Variants in PARD3 observed in about 807,000 individuals in gnomAD.
The protein encoded by PARD3 is par-3 family cell polarity regulator.
In PARD3, 75 loss-of-function variants were observed where a neutral mutation model predicts 155.4. The observed-to-expected ratio is 0.48, with a 90% confidence interval of 0.40 to 0.58. PARD3 has a LOEUF of 0.58. PARD3 is among the 20% of genes least tolerant of loss of function. The pLI is 0.00. For synonymous variants in PARD3, 576 were observed against 610.5 expected (o/e 0.94, Z 0.83); for missense variants, 1,642 against 1,721.7 (o/e 0.95, Z 0.82).
chr10:34,263,878 G>A (rs1955156910), intron 22 of PARD3, among the ~76,000 whole-genome samples: 1 of 152,194 alleles, frequency 6.6e-6, no homozygotes. Flanking sequence ...AAAGGCAGAA[G>A]AGCTAATTGA....
At chr10:34,585,940 C>A (rs1270937696) in intron 2 of PARD3, among the ~76,000 whole-genome samples, 1 of 152,112 alleles carries the variant, frequency 6.6e-6, no homozygotes, top group Non-Finnish European at 1.5e-5. Context: ...GAATTTTAAA[C>A]CACATGTGAA....
intron 3 of PARD3, among the ~76,000 whole-genome samples, chr10:34,489,198 C>T (rs1312463942): frequency 1.3e-5 from 2 of 152,094 alleles, no homozygotes; most frequent in African/African-American, 2.4e-5. Context: ...ATTAGTTGGG[C>T]GTGGTGGTGC....
rs548606950 is a variant in PARD3, at chr10:34,802,236, G to A, written c.120+12640C>T. On this transcript the variant is annotated intron_variant, in intron 1 of 24. Coordinates refer to ENST00000374788, the MANE Select transcript of PARD3 (RefSeq NM_001184785.2). ...GGTGATCTTTATATCTTCATTCTTAGCTAAATGATGCATACATACTAACAC... is the reference window on the plus strand; with the variant it reads ...GGTGATCTTTATATCTTCATTCTTAACTAAATGATGCATACATACTAACAC... Among the ~76,000 whole-genome samples the A allele has an allele frequency of 1.4e-4, 21 of 151,442 alleles. No individual in the cohort carries two copies. The South Asian group carries it at 4.2e-3, about 30-fold the overall frequency.
chr10:34,156,671 A>G (rs1018267168), intron 22 of PARD3, among the ~76,000 whole-genome samples: 11 of 152,156 alleles, frequency 7.2e-5, no homozygotes, highest in African/African-American at 2.2e-4. Flanking sequence ...CCCTAAGTCA[A>G]GCCCTCACTA....
At chr10:34,243,514 GA>G (rs1199530746) in intron 22 of PARD3, among the ~76,000 whole-genome samples, 1 of 152,162 alleles carries the variant, frequency 6.6e-6, no homozygotes, top group African/African-American at 2.4e-5. Context: ...ATTGAAGTCT[GA>G]AGATCTACTT....
chr10:34,741,220 T>C (rs912544545), intron 1 of PARD3, among the ~76,000 whole-genome samples: 2 of 141,670 alleles, frequency 1.4e-5, no homozygotes, highest in Non-Finnish European at 3.0e-5. Flanking sequence ...AGTCTCACTC[T>C]GTTGCCCAGG....
intron 1 of PARD3, among the ~76,000 whole-genome samples, chr10:34,771,944 C>T (rs1838923674): frequency 6.6e-6 from 1 of 152,184 alleles, no homozygotes; most frequent in Non-Finnish European, 1.5e-5. Flanking sequence ...CCATCAACCC[C>T]TGGCAGGGGT....
chr10:34,495,660 A>T (rs2080227849), intron 3 of PARD3, among the ~76,000 whole-genome samples: 1 of 152,202 alleles, frequency 6.6e-6, no homozygotes, highest in African/African-American at 2.4e-5. Context: ...AGCATGAAAC[A>T]CACTGTCACA....
At chr10:34,263,906 T>C (rs907365604) in intron 22 of PARD3, among the ~76,000 whole-genome samples, 1 of 152,244 alleles carries the variant, frequency 6.6e-6, no homozygotes, top group Admixed American at 6.5e-5. Flanking sequence ...TGGAGAATAC[T>C]GCTCATTACT....
intron 1 of PARD3, among the ~76,000 whole-genome samples, chr10:34,735,735 C>T (rs571985845): frequency 1.4e-4 from 21 of 152,280 alleles, no homozygotes; most frequent in African/African-American, 4.8e-4. Flanking sequence ...TTGAAACAAC[C>T]CCCCTTATTT....
chr10:34,669,128 G>T (rs889506725), intron 2 of PARD3, among the ~76,000 whole-genome samples: 3 of 152,070 alleles, frequency 2.0e-5, no homozygotes, highest in African/African-American at 7.2e-5. Flanking sequence ...CAAAGGAAAA[G>T]AAGTCATTAT....
intron 5 of PARD3, among the ~76,000 whole-genome samples, chr10:34,412,188 C>A (rs1018944436): frequency 6.6e-6 from 1 of 152,010 alleles, no homozygotes; most frequent in South Asian, 2.1e-4. Context: ...GTCTCTAACT[C>A]CTGGCCTCAA....
rs1057152707 is a variant in PARD3, at chr10:34,616,651, G to T, written c.222+79667C>A. On this transcript the variant is annotated intron_variant, in intron 2 of 24. Coordinates refer to ENST00000374788, the MANE Select transcript of PARD3 (RefSeq NM_001184785.2). ...CTTGTACATGGAAGCTAAAAAAGTT[G>T]ATCTGGCTGGCTGTGGTGGCTCATG... Among the ~76,000 whole-genome samples the T allele has an allele frequency of 1.7e-4, 26 of 152,140 alleles. 1 individual carries two copies. The highest frequency in any genetic ancestry group is 2.9e-5 in the Non-Finnish European group (2 of 68,028).
At chr10:34,709,487 A>C (rs1189320289) in intron 1 of PARD3, among the ~76,000 whole-genome samples, 2 of 152,206 alleles carry the variant, frequency 1.3e-5, no homozygotes, top group African/African-American at 4.8e-5. Flanking sequence ...AAAGAGAGGG[A>C]AGTTAATACA....
rs145906673 is a variant in PARD3 at position 34,173,535 on chromosome 10, G to C, written c.3420-41952C>G. Among the ~76,000 whole-genome samples, 28 of 152,160 alleles carry C rather than the reference G, an allele frequency of 1.8e-4. No individual in the cohort carries two copies. The East Asian group carries it at 3.3e-3, about 18-fold the overall frequency. On this transcript the variant is annotated intron_variant, in intron 22 of 24. Coordinates refer to ENST00000374788, the MANE Select transcript of PARD3 (RefSeq NM_001184785.2). ...ATTTTTCATATATGCAACTTTACAG[G>C]GATCTTGTTAAGATGAAGAATGCTA...
intron 2 of PARD3, among the ~76,000 whole-genome samples, chr10:34,546,100 T>C (rs1361689508): frequency 6.6e-6 from 1 of 152,232 alleles, no homozygotes; most frequent in Non-Finnish European, 1.5e-5. Flanking sequence ...AAAATATATG[T>C]TGTATACTTT....
intron 20 of PARD3, among the ~76,000 whole-genome samples, chr10:34,300,122 T>C (rs1957078979): frequency 6.6e-6 from 1 of 152,186 alleles, no homozygotes; most frequent in East Asian, 1.9e-4. Context: ...AAGGACTTTA[T>C]GTCTCTTTGG....
chr10:34,269,901 T>C lies in PARD3; in HGVS notation c.3177-2A>G. ...AATTCTCGAGTTTTGGCTTGAATCC[T>C]ATGAAATCAGAACAAAGTTGAAATA... On this transcript the variant is annotated splice_acceptor_variant, in intron 21 of 24. Transcript: ENST00000374788. LOFTEE classifies it high-confidence loss of function. The C allele has an allele frequency of 6.2e-7, 1 of 1,613,076 alleles. No individual in the cohort carries two copies. The highest frequency in any genetic ancestry group is 8.5e-7 in the Non-Finnish European group (1 of 1,179,466).
chr10:34,365,457 T>C (rs1313238542), intron 12 of PARD3, among the ~76,000 whole-genome samples: 3 of 152,218 alleles, frequency 2.0e-5, no homozygotes, highest in African/African-American at 7.2e-5. Context: ...CAAAGATCAC[T>C]AGAAGCTTCA....
Sources: gnomAD v4.1 joint callset for allele counts (sites outside exome capture counted in the v4.1 genomes callset) on GRCh38, gnomAD v4.1.1 for gene constraint, MANE v1.5 for transcripts, NCBI Gene and HGNC (gene_info 2026-07-23, HGNC 2026-07-21) for gene names.